Variants in TAPT1 observed in about 807,000 individuals in gnomAD.
TAPT1 encodes the protein transmembrane anterior posterior transformation protein 1 homolog.
Under a neutral mutation model 65.6 loss-of-function variants are expected in TAPT1, and 28 were observed. The observed-to-expected ratio is 0.43, with a 90% CI of 0.32 to 0.59. The LOEUF (loss-of-function observed/expected upper bound fraction) is 0.59, where lower values mean the gene tolerates loss of function less well. Ranked by LOEUF, TAPT1 falls within the 20% of genes least tolerant of loss-of-function variation. The pLI is 0.09. For missense variants in TAPT1, 563 were observed against 679.9 expected, an observed-to-expected ratio of 0.83 and a Z score of 1.91; for synonymous variants, 278 against 245.2, an observed-to-expected ratio of 1.13 and a Z score of -1.25.
chr4:16,168,448 C>T (rs1389897841), intron 12 of TAPT1, among the ~76,000 whole-genome samples: 1 of 152,180 alleles, frequency 6.6e-6, no homozygotes, highest in Non-Finnish European at 1.5e-5. Flanking sequence ...CCCGGGCCCT[C>T]CTCCCCCATG....
chr4:16,220,787 A>T (rs2108899918), intron 1 of TAPT1, among the ~76,000 whole-genome samples: 1 of 152,282 alleles, frequency 6.6e-6, no homozygotes, highest in African/African-American at 2.4e-5. Context: ...TTATAGCATA[A>T]ACAAGTGCTT....
In TAPT1 at chr4:16,226,161, C is replaced by T. The variant is rs941109549; in HGVS notation, c.199+98G>A. On this transcript the variant is annotated intron_variant, in intron 1 of 13. Coordinates refer to ENST00000405303, the MANE Select transcript of TAPT1 (RefSeq NM_153365.3). ...GGGAGCCCCGGGAGGCAACGGCAGCCGCGCGGCTCGGGGGCCGGGGTTCCA... is the reference window on the plus strand; with the variant it reads ...GGGAGCCCCGGGAGGCAACGGCAGCTGCGCGGCTCGGGGGCCGGGGTTCCA... The T allele has an allele frequency of 3.8e-4, 392 of 1,036,288 alleles. 4 individuals carry two copies. Among genetic ancestry groups the T allele is most frequent in the Non-Finnish European group, 4.5e-4 (384 of 856,462 alleles). 64.2% of individuals were successfully genotyped at this position (1,036,288 alleles called of 1,614,324 possible). A position where few individuals can be genotyped will look rare whatever the true frequency, so the allele number is the denominator to read the frequency against.
intron 11 of TAPT1, among the ~76,000 whole-genome samples, chr4:16,171,921 G>A (rs960304017): frequency 2.6e-5 from 4 of 151,248 alleles, no homozygotes; most frequent in Non-Finnish European, 5.9e-5. Context: ...ATCATTTTAC[G>A]ACCCAATGTA....
intron 1 of TAPT1, among the ~76,000 whole-genome samples, chr4:16,223,498 T>C (rs1751375676): frequency 6.6e-6 from 1 of 152,128 alleles, no homozygotes; most frequent in Admixed American, 6.5e-5. Flanking sequence ...CAATGACCAT[T>C]CTGAGAGAGC....
chr4:16,179,802 A>ATGTG (rs56086979), intron 7 of TAPT1, 145 bp from the exon 8 acceptor site: 7 of 309,904 alleles, frequency 2.3e-5, no homozygotes, highest in Admixed American at 1.5e-4. Context: ...ATATATATAT[A>ATGTG]TGTGTGTGTG....
chr4:16,199,208 T>C (rs1177277769), intron 3 of TAPT1, among the ~76,000 whole-genome samples: 1 of 152,242 alleles, frequency 6.6e-6, no homozygotes, highest in Non-Finnish European at 1.5e-5. Context: ...CATGTTTTTA[T>C]ACATATAAGT....
At position 16,213,945 on chromosome 4, in the gene TAPT1, A is replaced by G. The variant is rs750586483; in HGVS notation, c.200-47T>C. On this transcript the variant is annotated intron_variant, in intron 1 of 13. Transcript: ENST00000405303. ...AAAACAAAAAGAACAGTATTTATCAAGGAACTTCCACGCTAGCTGGGGCCA... is the reference window on the plus strand; with the variant it reads ...AAAACAAAAAGAACAGTATTTATCAGGGAACTTCCACGCTAGCTGGGGCCA... The G allele has an allele frequency of 4.5e-6, 7 of 1,539,574 alleles. No individual in the cohort carries two copies. The African/African-American group carries it at 9.9e-5, about 22-fold the overall frequency.
intron 5 of TAPT1, among the ~76,000 whole-genome samples, chr4:16,187,850 T>TAA (rs1293384028): frequency 6.6e-6 from 1 of 152,092 alleles, no homozygotes; most frequent in Non-Finnish European, 1.5e-5. Context: ...TTTAAGCCCA[T>TAA]AAAAAAGAAT....
At chr4:16,174,554 T>C in intron 10 of TAPT1, 116 bp downstream of exon 10, 5 of 889,388 alleles carry the variant, frequency 5.6e-6, no homozygotes, top group Admixed American at 3.0e-5. Flanking sequence ...TAGAGATCAG[T>C]AGGCAGTTTA....
At chr4:16,170,204 C>G (rs1747902034) in intron 12 of TAPT1, among the ~76,000 whole-genome samples, 2 of 152,162 alleles carry the variant, frequency 1.3e-5, no homozygotes, top group Non-Finnish European at 2.9e-5. Flanking sequence ...ACCAACAAAC[C>G]TGCAGATGGA....
At chr4:16,223,710 C>G (rs754408991) in intron 1 of TAPT1, among the ~76,000 whole-genome samples, 1 of 152,152 alleles carries the variant, frequency 6.6e-6, no homozygotes, top group Non-Finnish European at 1.5e-5. Flanking sequence ...AGAGCATATA[C>G]AGCTATTCAT....
At chr4:16,206,483 C>T (rs915700712) in intron 2 of TAPT1, among the ~76,000 whole-genome samples, 3 of 152,104 alleles carry the variant, frequency 2.0e-5, no homozygotes, top group African/African-American at 7.2e-5. Flanking sequence ...TGGAATGATG[C>T]AGCAAGGCAG....
intron 9 of TAPT1, among the ~76,000 whole-genome samples, chr4:16,175,659 C>G (rs954664618): frequency 1.3e-5 from 2 of 152,116 alleles, no homozygotes; most frequent in Non-Finnish European, 2.9e-5. Flanking sequence ...AAACAAATTT[C>G]TCAAAGTTTA....
At chr4:16,224,062 A>G (rs961450) in intron 1 of TAPT1, among the ~76,000 whole-genome samples, 13,225 of 152,208 alleles carry the variant, frequency 0.087, 738 homozygotes, top group Middle Eastern at 0.17. Flanking sequence ...CAGTGGTGCT[A>G]GACTCTCAGA....
Position 16,174,724 on chromosome 4 carries a change from G to A in TAPT1, c.1113C>T (p.Tyr371=). The A allele has an allele frequency of 6.3e-7, 1 of 1,576,644 alleles. No homozygotes were observed. The highest frequency in any genetic ancestry group is 1.2e-5 in the South Asian group (1 of 84,666). The change falls in exon 10 of 14, where the codon TAC becomes TAT. Residue 371 remains tyrosine (Y), a synonymous_variant. Coordinates refer to ENST00000405303, the MANE Select transcript of TAPT1 (RefSeq NM_153365.3). Reference sequence around the variant, plus strand: ...AAGCAAGACTGGCTCTATATTCACTGTAGACCTAAAAACAAACAAGAATGA... The same window carrying A: ...AAGCAAGACTGGCTCTATATTCACTATAGACCTAAAAACAAACAAGAATGA... ...TKFNDITADV[Y]SEYRASLAFD...
intron 11 of TAPT1, among the ~76,000 whole-genome samples, chr4:16,173,845 C>A (rs1449469282): frequency 6.6e-6 from 1 of 152,194 alleles, no homozygotes; most frequent in Non-Finnish European, 1.5e-5. Context: ...TGTAGAAACA[C>A]TGGATTAATT....
chr4:16,216,751 T>C (rs1265095612), intron 1 of TAPT1, among the ~76,000 whole-genome samples: 2 of 152,214 alleles, frequency 1.3e-5, no homozygotes, highest in Non-Finnish European at 2.9e-5. Flanking sequence ...CTCCAGGTTA[T>C]TGCAAAAGCT....
chr4:16,203,127 T>C (rs1439928130), intron 2 of TAPT1, among the ~76,000 whole-genome samples: 2 of 152,194 alleles, frequency 1.3e-5, no homozygotes, highest in Admixed American at 6.5e-5. Flanking sequence ...CCCTTTCTTT[T>C]TGTGGTATCA....
chr4:16,218,039 T>C (rs1342483347), intron 1 of TAPT1, among the ~76,000 whole-genome samples: 1 of 152,240 alleles, frequency 6.6e-6, no homozygotes, highest in East Asian at 1.9e-4. Flanking sequence ...GAATGCCATC[T>C]GGGTTAAAGA....
Sources: gnomAD v4.1 joint callset for allele counts (sites outside exome capture counted in the v4.1 genomes callset) on GRCh38, gnomAD v4.1.1 for gene constraint, MANE v1.5 for transcripts, NCBI Gene and HGNC (gene_info 2026-07-23, HGNC 2026-07-21) for gene names.